Variants in INMT observed in about 807,000 individuals in gnomAD.
The protein encoded by INMT is indolethylamine N-methyltransferase, also known as amine N-methyltransferase.
Under a neutral mutation model 11.5 loss-of-function variants are expected in INMT, and 11 were observed. The ratio of observed to expected loss-of-function variants is 0.95; its 90% CI spans 0.60 to 1.58. The LOEUF (loss-of-function observed/expected upper bound fraction) is 1.58. Ranked by LOEUF, INMT falls within the 40% of genes most tolerant of loss-of-function variation. INMT has a pLI of 0.00. For synonymous variants in INMT, 155 were observed against 142.9 expected (o/e 1.08, Z -0.60); for missense variants, 316 against 336.1 (o/e 0.94, Z 0.47).
intron 1 of INMT, among the ~76,000 whole-genome samples, chr7:30,753,348 C>T (rs1031240628): frequency 2.0e-5 from 3 of 152,244 alleles, no homozygotes; most frequent in South Asian, 2.1e-4. Context: ...CCAGCATGTC[C>T]TCTCTGAACT....
Position 30,755,989 on chromosome 7 carries a change from C to G in INMT, c.*138C>G. 1 of 1,430,832 alleles carries G rather than the reference C, an allele frequency of 7.0e-7. No individual in the cohort carries two copies. The allele number at this position is 1,430,832 out of a possible 1,614,324, so 88.6% of individuals were successfully genotyped here. ...TTCCATCTTCTGAAATTCTGAGATT[C>G]TAACATCCTTGTTTTAGAATTCTAA... On this transcript the variant is annotated 3_prime_UTR_variant, in exon 3 of 3. Transcript: ENST00000013222.
At chr7:30,753,326 G>A (rs1786135578) in intron 1 of INMT, among the ~76,000 whole-genome samples, 1 of 152,188 alleles carries the variant, frequency 6.6e-6, no homozygotes, top group African/African-American at 2.4e-5. Flanking sequence ...GAAACTTAAA[G>A]GGCCACTGAC....
At position 30,755,991 on chromosome 7, in the gene INMT, A is replaced by G; in HGVS notation, c.*140A>G. The G allele has an allele frequency of 2.1e-6, 3 of 1,428,372 alleles. No homozygotes were observed. The highest frequency in any genetic ancestry group is 2.7e-6 in the Non-Finnish European group (3 of 1,095,908). The allele number at this position is 1,428,372 out of a possible 1,614,324, so 88.5% of individuals were successfully genotyped here. On this transcript the variant is annotated 3_prime_UTR_variant, in exon 3 of 3. Coordinates refer to ENST00000013222, the MANE Select transcript of INMT (RefSeq NM_006774.5). ...CCATCTTCTGAAATTCTGAGATTCT[A>G]ACATCCTTGTTTTAGAATTCTAAGT...
rs1786108426 is a variant in INMT, at chr7:30,752,452, T to G, written c.154+148T>G. 2.8e-5 allele frequency: 18 copies of G among 638,284 alleles called. No individual in the cohort carries two copies. In the South Asian group the frequency reaches 3.3e-4, roughly 12 times the overall value. The allele number at this position is 638,284 out of a possible 1,614,324, so 39.5% of individuals were successfully genotyped here. ...CTTCTGGGGCCCTGCCCCCTCTCTTTGGGCAGCTGTTATGCTGGAGGTTGA... is the reference window on the plus strand; with the variant it reads ...CTTCTGGGGCCCTGCCCCCTCTCTTGGGGCAGCTGTTATGCTGGAGGTTGA... On this transcript the variant is annotated intron_variant, in intron 1 of 2. Transcript: ENST00000013222.
At chr7:30,753,013 G>A (rs534522520) in intron 1 of INMT, among the ~76,000 whole-genome samples, 1 of 152,326 alleles carries the variant, frequency 6.6e-6, no homozygotes, top group Non-Finnish European at 1.5e-5. Flanking sequence ...AAAGGCTGCT[G>A]AGCCTGGAGG....
Position 30,756,237 on chromosome 7 carries a change from A to ATTTTT in INMT, c.*398_*402dup. 2 of 910,616 alleles carry ATTTTT rather than the reference A, an allele frequency of 2.2e-6. No individual in the cohort carries two copies. The highest frequency in any genetic ancestry group is 1.9e-5 in the African/African-American group (1 of 51,678). The allele number at this position is 910,616 out of a possible 1,614,324, so 56.4% of individuals were successfully genotyped here. On this transcript the variant is annotated 3_prime_UTR_variant, in exon 3 of 3. Coordinates refer to ENST00000013222, the MANE Select transcript of INMT (RefSeq NM_006774.5). Reference sequence around the variant, plus strand: ...CCTCTGGACAGTGGTATATTGGGGAATTTTTTTTTTTTTTTTGAGACGGAG... The same window carrying ATTTTT: ...CCTCTGGACAGTGGTATATTGGGGAATTTTTTTTTTTTTTTTTTTTTGAGACGGAG...
intron 1 of INMT, 36 bp from the exon 2 acceptor site, chr7:30,753,695 T>A: frequency 1.3e-6 from 2 of 1,591,948 alleles, no homozygotes; most frequent in Non-Finnish European, 1.7e-6. Context: ...GTCTCGTTTC[T>A]TTTACCCATC....
Position 30,753,758 on chromosome 7 carries a change from A to G in INMT, c.182A>G (p.Asp61Gly), listed in dbSNP as rs763248892. The G allele has an allele frequency of 6.2e-7, 1 of 1,614,168 alleles. No homozygotes were observed. The highest frequency in any genetic ancestry group is 8.5e-7 in the Non-Finnish European group (1 of 1,180,044). The change falls in exon 2 of 3, where the codon GAC becomes GGC. Residue 61 changes from aspartate to glycine, a missense_variant. Coordinates refer to ENST00000013222, the MANE Select transcript of INMT (RefSeq NM_006774.5). ...PGGLQGDTLI[D>G]IGSGPTIYQV... ...GGCCTCCAAGGGGACACGCTGATTG[A>G]CATTGGCTCAGGTCCTACCATCTAC...
Position 30,755,686 on chromosome 7 carries a change from T to G in INMT, c.627T>G (p.Arg209=), listed in dbSNP as rs200171706. Residue 209 remains arginine (R), a synonymous_variant, in exon 3 of 3, where the codon CGT becomes CGG. Transcript: ENST00000013222. ...TCCCGTCCTACATGGTGGGGAAGCG[T>G]GAATTTTCCTGCGTGGCCCTGGAGA... ...LRLPSYMVGK[R]EFSCVALEKE... 2.0e-4 allele frequency: 323 copies of G among 1,614,140 alleles called. 1 individual carries two copies. The highest frequency in any genetic ancestry group is 8.3e-5 in the Non-Finnish European group (98 of 1,179,994).
At position 30,753,441 on chromosome 7, in the gene INMT, G is replaced by T. The variant is rs1786139050; in HGVS notation, c.155-290G>T. The stretch of plus-strand genomic sequence containing the variant: ...TATTATACTCTTGGCTTATGTTCTT[G>T]ACTGAAAGGTATTGGGCTAATTGTT... On this transcript the variant is annotated intron_variant, in intron 1 of 2. Transcript: ENST00000013222. Among the ~76,000 whole-genome samples the T allele has an allele frequency of 2.0e-5, 3 of 152,220 alleles. No individual in the cohort carries two copies. In the South Asian group the frequency reaches 6.2e-4, roughly 31 times the overall value.
In INMT at chr7:30,754,288, C is replaced by A. The variant is rs146244147; in HGVS notation, c.362+350C>A. Among the ~76,000 whole-genome samples, 2 of 152,124 alleles carry A rather than the reference C, an allele frequency of 1.3e-5. No homozygotes were observed. Among genetic ancestry groups the A allele is most frequent in the African/African-American group, 4.8e-5 (2 of 41,420 alleles). ...AACTATCCGTGCATATCCATCCATC[C>A]GTCCACCCACCGGTTCATCCATTCA... On this transcript the variant is annotated intron_variant, in intron 2 of 2. Coordinates refer to ENST00000013222, the MANE Select transcript of INMT (RefSeq NM_006774.5). This position sits in a 1 kb window ranked among gnomAD's most constrained non-coding sequence, Gnocchi z 4.9.
chr7:30,756,132 G>A lies in INMT; in HGVS notation c.*281G>A. The A allele has an allele frequency of 8.2e-7, 1 of 1,218,246 alleles. No homozygotes were observed. The highest frequency in any genetic ancestry group is 1.0e-6 in the Non-Finnish European group (1 of 975,350). 75.5% of individuals were successfully genotyped at this position (1,218,246 alleles called of 1,614,324 possible). A position where few individuals can be genotyped will look rare whatever the true frequency, so the allele number is the denominator to read the frequency against. On this transcript the variant is annotated 3_prime_UTR_variant, in exon 3 of 3. Coordinates refer to ENST00000013222, the MANE Select transcript of INMT (RefSeq NM_006774.5). ...TCCTGTGTGACTGTGGAGCACCCAGGGACGTGGTTTTAGAGTCTACCTAAT... is the reference window on the plus strand; with the variant it reads ...TCCTGTGTGACTGTGGAGCACCCAGAGACGTGGTTTTAGAGTCTACCTAAT...
At position 30,754,482 on chromosome 7, in the gene INMT, C is replaced by T. The variant is rs564738763; in HGVS notation, c.362+544C>T. On this transcript the variant is annotated intron_variant, in intron 2 of 2. Transcript: ENST00000013222. This position sits in a 1 kb window ranked among gnomAD's most constrained non-coding sequence, Gnocchi z 4.9. ...CCACCCACCCATCCATTCATCCATCCATATCCATCCATCCATCCATCCATC... is the reference window on the plus strand; with the variant it reads ...CCACCCACCCATCCATTCATCCATCTATATCCATCCATCCATCCATCCATC... Among the ~76,000 whole-genome samples the T allele has an allele frequency of 3.9e-3, 591 of 150,918 alleles. 4 individuals are homozygous for T. The highest frequency in any genetic ancestry group is 0.014 in the African/African-American group (558 of 41,072).
Position 30,756,084 on chromosome 7 carries a change from A to T in INMT, c.*233A>T. The T allele has an allele frequency of 7.4e-7, 1 of 1,345,348 alleles. No individual in the cohort carries two copies. The highest frequency in any genetic ancestry group is 2.8e-5 in the East Asian group (1 of 35,110). The allele number at this position is 1,345,348 out of a possible 1,614,324, so 83.3% of individuals were successfully genotyped here. A position where few individuals can be genotyped will look rare whatever the true frequency, so the allele number is the denominator to read the frequency against. ...CATTTTCTAATATACTAAGCCTTAC[A>T]GCTATCTTAGATGCGATCTGACTCC... On this transcript the variant is annotated 3_prime_UTR_variant, in exon 3 of 3. Coordinates refer to ENST00000013222, the MANE Select transcript of INMT (RefSeq NM_006774.5).
At position 30,754,636 on chromosome 7, in the gene INMT, TATCCATCCATCC is replaced by T. The variant is rs58315408; in HGVS notation, c.362+729_362+740del. Among the ~76,000 whole-genome samples the T allele has an allele frequency of 9.7e-4, 140 of 144,632 alleles. 1 individual carries two copies. In the East Asian group the frequency reaches 0.02, roughly 20 times the overall value. The allele number at this position is 144,632 out of a possible 152,430, so 94.9% of individuals were successfully genotyped here. A position where few individuals can be genotyped will look rare whatever the true frequency, so the allele number is the denominator to read the frequency against. On this transcript the variant is annotated intron_variant, in intron 2 of 2. Coordinates refer to ENST00000013222, the MANE Select transcript of INMT (RefSeq NM_006774.5). The surrounding 1 kb of genome is among the most constrained non-coding windows in gnomAD (Gnocchi z 4.9). ...ATCCACCCATCCATCCATATCCATC[TATCCATCCATCC>T]ATCCATCCATCCATCCATCCATCCA...
chr7:30,752,503 T>C (rs1332041924), intron 1 of INMT, among the ~76,000 whole-genome samples, 199 bp downstream of exon 1: 2 of 152,072 alleles, frequency 1.3e-5, no homozygotes, highest in South Asian at 4.2e-4. Flanking sequence ...GCTCAGGAGC[T>C]CTGTGCCAGC....
At position 30,755,683 on chromosome 7, in the gene INMT, G is replaced by C. The variant is rs145461151; in HGVS notation, c.624G>C (p.Lys208Asn). The C allele has an allele frequency of 3.6e-5, 58 of 1,614,122 alleles. No homozygotes were observed. The highest frequency in any genetic ancestry group is 1.6e-4 in the Middle Eastern group (1 of 6,084). Reference protein sequence around the residue: ...TLRLPSYMVGKREFSCVALEK... With the variant: ...TLRLPSYMVGNREFSCVALEK... ...GGCTCCCGTCCTACATGGTGGGGAA[G>C]CGTGAATTTTCCTGCGTGGCCCTGG... The change falls in exon 3 of 3, where the codon AAG becomes AAC. Residue 208 changes from lysine (K) to asparagine (N), a missense_variant. Transcript: ENST00000013222.
At chr7:30,752,800 C>A (rs887941683) in intron 1 of INMT, among the ~76,000 whole-genome samples, 1 of 152,178 alleles carries the variant, frequency 6.6e-6, no homozygotes, top group Admixed American at 6.5e-5. Context: ...GCAAGGGGCT[C>A]AGACCCCAAG....
intron 1 of INMT, 33 bp downstream of exon 1, chr7:30,752,337 C>T (rs753284901): frequency 4.1e-5 from 65 of 1,578,040 alleles, no homozygotes; most frequent in Middle Eastern, 1.8e-4. Flanking sequence ...CCTTGAGCCT[C>T]TCTCCAAGGA....
Sources: allele counts gnomAD v4.1 joint callset (sites outside exome capture counted in the v4.1 genomes callset), GRCh38; gene constraint gnomAD v4.1.1; non-coding constraint Gnocchi (gnomAD v3.1); transcripts MANE v1.5; gene names NCBI Gene and HGNC (gene_info 2026-07-23, HGNC 2026-07-21).